Variants in GALNT13 observed in about 807,000 individuals in gnomAD.
The protein encoded by GALNT13 is polypeptide N-acetylgalactosaminyltransferase 13.
GALNT13 carries 28 observed loss-of-function variants against 64.2 expected under a neutral mutation model. That is an observed-to-expected ratio of 0.44 (90% CI 0.32 to 0.60). GALNT13 has a LOEUF of 0.60. GALNT13 is among the 20% of genes least tolerant of loss of function. The pLI is 0.05. For missense variants in GALNT13, 577 were observed against 669.8 expected, an observed-to-expected ratio of 0.86 and a Z score of 1.53; for synonymous variants, 214 against 224.6, an observed-to-expected ratio of 0.95 and a Z score of 0.42.
At chr2:154,174,605 A>T (rs1003709309) in intron 4 of GALNT13, among the ~76,000 whole-genome samples, 1 of 152,134 alleles carries the variant, frequency 6.6e-6, no homozygotes, top group African/African-American at 2.4e-5. Context: ...TTTAAGCAAG[A>T]TGAGTTTTGG....
the GALNT13 span, among the ~76,000 whole-genome samples, chr2:153,701,101 A>G: frequency 6.6e-6 from 1 of 152,240 alleles, no homozygotes; most frequent in African/African-American, 2.4e-5. Flanking sequence ...CCTATACCTC[A>G]AGGCTACAGT....
chr2:154,163,181 G>C (rs1371520715), intron 4 of GALNT13, among the ~76,000 whole-genome samples: 3 of 131,548 alleles, frequency 2.3e-5, no homozygotes, highest in African/African-American at 8.8e-5. Context: ...CCCTTCCTGG[G>C]TCCATGTGTT....
chr2:154,451,016 TATTAA>T lies in GALNT13; in HGVS notation c.*470_*474del, dbSNP rs1173799485. Reference sequence around the variant, plus strand: ...TTTCTGTGTCTACAACAGGGCCACATATTAAATTACTTCTGAATGGTGAATTCATC... The same window carrying T: ...TTTCTGTGTCTACAACAGGGCCACATATTACTTCTGAATGGTGAATTCATC... On this transcript the variant is annotated 3_prime_UTR_variant, in exon 13 of 13. Coordinates refer to ENST00000392825, the MANE Select transcript of GALNT13 (RefSeq NM_052917.4). 4 of 152,822 alleles carry T rather than the reference TATTAA, an allele frequency of 2.6e-5. No individual in the cohort carries two copies. The highest frequency in any genetic ancestry group is 9.7e-5 in the African/African-American group (4 of 41,446). 9.5% of individuals were successfully genotyped at this position (152,822 alleles called of 1,614,324 possible).
the GALNT13 span, among the ~76,000 whole-genome samples, chr2:153,252,698 A>G: frequency 6.6e-6 from 1 of 152,218 alleles, no homozygotes; most frequent in Non-Finnish European, 1.5e-5. Flanking sequence ...ATGGCTAGCC[A>G]GTTTTCTCAG....
At chr2:153,117,021 G>A in the GALNT13 span, among the ~76,000 whole-genome samples, 4 of 151,700 alleles carry the variant, frequency 2.6e-5, no homozygotes, top group African/African-American at 4.8e-5. Flanking sequence ...GGATGGTCTC[G>A]ATCTCCTGAC....
At chr2:153,567,546 A>G in the GALNT13 span, among the ~76,000 whole-genome samples, 449 of 152,342 alleles carry the variant, frequency 2.9e-3, no homozygotes, top group Non-Finnish European at 5.2e-3. Flanking sequence ...GTCCAGAGAA[A>G]TAGGCTAACA....
chr2:153,905,030 CA>C (rs1688463780), intron 2 of GALNT13, among the ~76,000 whole-genome samples: 1 of 151,886 alleles, frequency 6.6e-6, no homozygotes, highest in African/African-American at 2.4e-5. Context: ...CCACTTATAA[CA>C]CTATTTTAAC....
chr2:154,337,860 G>A (rs116751428), intron 9 of GALNT13, among the ~76,000 whole-genome samples: 1,732 of 152,060 alleles, frequency 0.011, 35 homozygotes, highest in African/African-American at 0.038. Context: ...GAATGTTGTC[G>A]GTGGTTGGAG....
chr2:153,847,287 G>A, the GALNT13 span, among the ~76,000 whole-genome samples: 6 of 151,804 alleles, frequency 4.0e-5, no homozygotes, highest in South Asian at 4.1e-4. Flanking sequence ...ACAAAACTAC[G>A]GGCAGTAATA....
At chr2:153,853,738 A>G in the GALNT13 span, among the ~76,000 whole-genome samples, 2 of 150,034 alleles carry the variant, frequency 1.3e-5, no homozygotes, top group Admixed American at 6.7e-5. Flanking sequence ...GTATTATACA[A>G]TTGTATAATA....
chr2:153,805,111 CAG>C, the GALNT13 span, among the ~76,000 whole-genome samples: 1 of 150,914 alleles, frequency 6.6e-6, no homozygotes, highest in Non-Finnish European at 1.5e-5. Flanking sequence ...AATTATGAAA[CAG>C]AATATTAAAA....
intron 4 of GALNT13, among the ~76,000 whole-genome samples, chr2:154,224,284 A>G (rs1230730583): frequency 6.6e-6 from 1 of 152,118 alleles, no homozygotes; most frequent in Non-Finnish European, 1.5e-5. Flanking sequence ...CTTAGGAAAT[A>G]CACATTTAAG....
the GALNT13 span, among the ~76,000 whole-genome samples, chr2:153,540,617 C>T: frequency 2.6e-5 from 4 of 152,310 alleles, no homozygotes; most frequent in East Asian, 3.9e-4. Context: ...AGCCCCCGGG[C>T]CTGTATCCTA....
intron 2 of GALNT13, among the ~76,000 whole-genome samples, chr2:153,912,034 G>A (rs1688975084): frequency 6.6e-6 from 1 of 151,976 alleles, no homozygotes; most frequent in African/African-American, 2.4e-5. Flanking sequence ...TCTCTTTCAG[G>A]GATGTCAATG....
intron 9 of GALNT13, among the ~76,000 whole-genome samples, chr2:154,331,707 G>T (rs1037421833): frequency 2.0e-5 from 3 of 152,060 alleles, no homozygotes; most frequent in African/African-American, 4.8e-5. Flanking sequence ...GTTTTGATAT[G>T]TGAGTTTATT....
chr2:153,173,793 A>T, the GALNT13 span, among the ~76,000 whole-genome samples: 1 of 152,166 alleles, frequency 6.6e-6, no homozygotes, highest in South Asian at 2.1e-4. Context: ...CTCAAATCTC[A>T]TTATCTAAAT....
intron 7 of GALNT13, among the ~76,000 whole-genome samples, chr2:154,248,068 T>G (rs975077152): frequency 6.6e-6 from 1 of 152,136 alleles, no homozygotes; most frequent in African/African-American, 2.4e-5. Flanking sequence ...GAATTCTGAA[T>G]AGCTAAAGTG....
At chr2:153,782,832 C>T in the GALNT13 span, among the ~76,000 whole-genome samples, 2 of 152,252 alleles carry the variant, frequency 1.3e-5, no homozygotes, top group Middle Eastern at 3.4e-3. Flanking sequence ...CTACCCAATC[C>T]GTGGACTTTG....
intron 3 of GALNT13, among the ~76,000 whole-genome samples, chr2:153,966,502 A>G (rs1693360538): frequency 6.6e-6 from 1 of 151,434 alleles, no homozygotes; most frequent in Non-Finnish European, 1.5e-5. Flanking sequence ...AGTAGCTGGG[A>G]CTACAGGCGC....
Sources: gnomAD v4.1 joint callset for allele counts (sites outside exome capture counted in the v4.1 genomes callset) on GRCh38, gnomAD v4.1.1 for gene constraint, MANE v1.5 for transcripts, NCBI Gene and HGNC (gene_info 2026-07-23, HGNC 2026-07-21) for gene names.